PANX1: variants seen among roughly 807,000 people sequenced by gnomAD.
PANX1 encodes pannexin 1.
In PANX1, 30 loss-of-function variants were observed where a neutral mutation model predicts 38.7. The ratio of observed to expected loss-of-function variants is 0.78; its 90% CI spans 0.58 to 1.05. The LOEUF (loss-of-function observed/expected upper bound fraction) is 1.05, where lower values mean the gene tolerates loss of function less well. Among genes scored for constraint, PANX1 ranks in the 50% least tolerant of loss-of-function variants. The pLI is 0.00. For synonymous variants in PANX1, 230 were observed against 212.2 expected (o/e 1.08, Z -0.73); for missense variants, 551 against 517.2 (o/e 1.07, Z -0.63).
At chr11:94,172,047 G>T (rs1947176247) in intron 2 of PANX1, among the ~76,000 whole-genome samples, 1 of 150,166 alleles carries the variant, frequency 6.7e-6, no homozygotes, top group South Asian at 2.1e-4. Context: ...ACAAAATTAG[G>T]AGAGTGGGCA....
intron 2 of PANX1, among the ~76,000 whole-genome samples, chr11:94,176,907 A>G (rs1336229592): frequency 1.3e-5 from 2 of 151,646 alleles, no homozygotes; most frequent in African/African-American, 2.4e-5. Context: ...GGAGCCATCT[A>G]TAGAGTCCCT....
chr11:94,172,242 G>A lies in PANX1; in HGVS notation c.322-6127G>A, dbSNP rs566131520. ...TAAGGTCAGGAATGTGGTTTTTATC[G>A]GCTTCCCAGGAGATTCTGATGTGAG... On this transcript the variant is annotated intron_variant, in intron 2 of 4. Transcript: ENST00000227638. 1.5e-4 allele frequency among the ~76,000 whole-genome samples: 23 copies of A among 151,598 alleles called. 1 individual carries two copies. Among genetic ancestry groups the A allele is most frequent in the African/African-American group, 5.1e-4 (21 of 40,960 alleles).
rs1946598819 is a variant in PANX1, at chr11:94,129,431, G to T, written c.119G>T (p.Cys40Phe). Residue 40 changes from cysteine (C) to phenylalanine (F), a missense_variant, in exon 1 of 5, where the codon TGC (cysteine) becomes TTC (phenylalanine). By Grantham distance (205) the Cys-to-Phe change is radical (BLOSUM62 -2). Transcript: ENST00000227638. ...CTGGCTGTGGACAAGATGGTCACGT[G>T]CATTGCGGTGGGGCTGCCCCTGCTG... ...LELAVDKMVTCIAVGLPLLLI... is the reference protein window; with the variant it reads ...LELAVDKMVTFIAVGLPLLLI... 1.2e-6 allele frequency: 2 copies of T among 1,613,988 alleles called. No individual in the cohort carries two copies. The highest frequency in any genetic ancestry group is 1.7e-6 in the Non-Finnish European group (2 of 1,179,912).
chr11:94,176,125 G>GA (rs1947229647), intron 2 of PANX1, among the ~76,000 whole-genome samples: 2 of 151,640 alleles, frequency 1.3e-5, no homozygotes, highest in Non-Finnish European at 2.9e-5. Context: ...GTCACCCACA[G>GA]AAAATCACAG....
At chr11:94,132,087 A>G (rs1301751102) in intron 1 of PANX1, among the ~76,000 whole-genome samples, 1 of 152,188 alleles carries the variant, frequency 6.6e-6, no homozygotes, top group Non-Finnish European at 1.5e-5. Flanking sequence ...CTGTCTATGC[A>G]TGTTTTGCAT....
chr11:94,131,960 T>C (rs1946634950), intron 1 of PANX1, among the ~76,000 whole-genome samples: 1 of 152,206 alleles, frequency 6.6e-6, no homozygotes, highest in South Asian at 2.1e-4. Context: ...GGGAAGACAC[T>C]GAGATAAGGC....
At chr11:94,151,232 C>G (rs375692967) in intron 1 of PANX1, among the ~76,000 whole-genome samples, 19 of 152,278 alleles carry the variant, frequency 1.2e-4, no homozygotes, top group African/African-American at 4.1e-4. Flanking sequence ...GCCCTCCTCT[C>G]TCTATTTTCC....
intron 2 of PANX1, among the ~76,000 whole-genome samples, chr11:94,154,722 G>A (rs1946926372): frequency 6.6e-6 from 1 of 151,914 alleles, no homozygotes; most frequent in Admixed American, 6.5e-5. Flanking sequence ...AAAAATTTGT[G>A]TGTAACATTT....
In PANX1 at chr11:94,156,715, CG is replaced by C. The variant is rs1345062506; in HGVS notation, c.321+3086del. Reference sequence around the variant, plus strand: ...TTTTTTTAAAAAAAATTATTTTTCTCGTTTTTTTTTTTCCTTTTTTTTAATT... The same window carrying C: ...TTTTTTTAAAAAAAATTATTTTTCTCTTTTTTTTTTTCCTTTTTTTTAATT... On this transcript the variant is annotated intron_variant, in intron 2 of 4. Transcript: ENST00000227638. Among the ~76,000 whole-genome samples the C allele has an allele frequency of 2.7e-5, 4 of 146,660 alleles. No individual in the cohort carries two copies. In the East Asian group the frequency reaches 8.1e-4, roughly 30 times the overall value.
chr11:94,132,238 A>C (rs1305629741), intron 1 of PANX1, among the ~76,000 whole-genome samples: 1 of 152,214 alleles, frequency 6.6e-6, no homozygotes, highest in Non-Finnish European at 1.5e-5. Context: ...GGACATAAGA[A>C]TCTTTCCTCT....
intron 2 of PANX1, among the ~76,000 whole-genome samples, chr11:94,155,930 C>T (rs1242370015): frequency 1.3e-5 from 2 of 152,144 alleles, no homozygotes; most frequent in Admixed American, 6.5e-5. Flanking sequence ...GACCACAGTT[C>T]TAAAGTTTAA....
chr11:94,148,915 C>T (rs1422355214), intron 1 of PANX1, among the ~76,000 whole-genome samples: 1 of 152,084 alleles, frequency 6.6e-6, no homozygotes, highest in Non-Finnish European at 1.5e-5. Context: ...ATAATTTATG[C>T]CTTTCACCTC....
At chr11:94,142,322 T>A (rs7951456) in intron 1 of PANX1, among the ~76,000 whole-genome samples, 25,966 of 152,070 alleles carry the variant, frequency 0.17, 2,458 homozygotes, top group African/African-American at 0.28. Flanking sequence ...GTATGGATTA[T>A]AGTACCACTG....
chr11:94,140,456 G>T (rs1946748490), intron 1 of PANX1, among the ~76,000 whole-genome samples: 1 of 152,122 alleles, frequency 6.6e-6, no homozygotes, highest in Admixed American at 6.5e-5. Flanking sequence ...TTTGCAGTTT[G>T]CTCATTTATC....
chr11:94,161,243 C>G (rs1338887321), intron 2 of PANX1, among the ~76,000 whole-genome samples: 2 of 152,114 alleles, frequency 1.3e-5, no homozygotes, highest in Admixed American at 6.5e-5. Context: ...GTGGCGTTCT[C>G]TGTATTTCCT....
At chr11:94,177,923 C>T (rs1232219520) in intron 2 of PANX1, among the ~76,000 whole-genome samples, 1 of 151,858 alleles carries the variant, frequency 6.6e-6, no homozygotes, top group Non-Finnish European at 1.5e-5. Context: ...TTACATGTTT[C>T]TTTGGCATTT....
chr11:94,166,552 A>G (rs1470102867), intron 2 of PANX1, among the ~76,000 whole-genome samples: 1 of 152,012 alleles, frequency 6.6e-6, no homozygotes, highest in African/African-American at 2.4e-5. Context: ...TTTATATGTA[A>G]TTTGCATCTT....
At chr11:94,166,929 C>T (rs1340308680) in intron 2 of PANX1, among the ~76,000 whole-genome samples, 2 of 152,194 alleles carry the variant, frequency 1.3e-5, no homozygotes, top group African/African-American at 2.4e-5. Flanking sequence ...AGCACCAGGG[C>T]TTGTCCAAGG....
At chr11:94,179,455 G>T in intron 3 of PANX1, 147 bp from the exon 4 acceptor site, 1 of 599,116 alleles carries the variant, frequency 1.7e-6, no homozygotes, top group Non-Finnish European at 2.9e-6. Flanking sequence ...TCTTTTAAAC[G>T]GATTTTATTT....
Sources: allele counts gnomAD v4.1 joint callset (sites outside exome capture counted in the v4.1 genomes callset), GRCh38; gene constraint gnomAD v4.1.1; transcripts MANE v1.5; gene names NCBI Gene and HGNC (gene_info 2026-07-23, HGNC 2026-07-21).